ZNF333: variants seen among roughly 807,000 people sequenced by gnomAD.
The protein encoded by ZNF333 is zinc finger protein 333.
Under a neutral mutation model 76.1 loss-of-function variants are expected in ZNF333, and 61 were observed. The ratio of observed to expected loss-of-function variants is 0.80; its 90% CI spans 0.65 to 0.99. ZNF333 has a LOEUF of 0.99. ZNF333 is among the 50% of genes least tolerant of loss of function. The pLI, the probability that ZNF333 is intolerant of heterozygous loss-of-function variation, is 0.00. For synonymous variants in ZNF333, 284 were observed against 305.0 expected (o/e 0.93, Z 0.72); for missense variants, 717 against 822.4 (o/e 0.87, Z 1.57).
intron 1 of ZNF333, among the ~76,000 whole-genome samples, chr19:14,691,923 C>T (rs1229670823): frequency 2.0e-5 from 3 of 152,008 alleles, no homozygotes; most frequent in Admixed American, 1.3e-4. Flanking sequence ...GTGATCCACC[C>T]GCCTCGGCCT....
chr19:14,695,764 A>G (rs1339103209), intron 4 of ZNF333, 103 bp downstream of exon 4: 3 of 924,546 alleles, frequency 3.2e-6, no homozygotes, highest in Non-Finnish European at 3.5e-6. Context: ...CTGAGGGGAC[A>G]TCGAAGGCCA....
intron 11 of ZNF333, among the ~76,000 whole-genome samples, chr19:14,728,221 AT>A (rs879373284): frequency 7.4e-4 from 112 of 151,814 alleles, no homozygotes; most frequent in African/African-American, 2.6e-3. Flanking sequence ...TCAAAAAAAA[AT>A]TTTTTTTTCA....
At chr19:14,718,202 G>T in intron 11 of ZNF333, 26 bp from the exon 12 acceptor site, 1 of 1,584,178 alleles carries the variant, frequency 6.3e-7, no homozygotes, top group Non-Finnish European at 8.6e-7. Context: ...AAGGCCTTTG[G>T]TCTTCACATT....
chr19:14,701,011 A>G (rs1379199413), intron 5 of ZNF333, among the ~76,000 whole-genome samples: 1 of 152,170 alleles, frequency 6.6e-6, no homozygotes, highest in East Asian at 1.9e-4. Context: ...CCTGGCTGCA[A>G]CAGACCCCTG....
At chr19:14,731,737 T>A (rs1040666573) in exon 12 of ZNF333, 3 of 152,432 alleles carry the variant, frequency 2.0e-5, no homozygotes, top group African/African-American at 4.8e-5. Flanking sequence ...TTAACTCTTG[T>A]TTATCTTTGG....
intron 6 of ZNF333, chr19:14,706,008 G>A: frequency 2.3e-6 from 1 of 438,288 alleles, no homozygotes; most frequent in Non-Finnish European, 4.6e-6. Flanking sequence ...CCTCCCCCGA[G>A]GGACCTGCTG....
intron 7 of ZNF333, among the ~76,000 whole-genome samples, chr19:14,712,355 G>T (rs2042302404): frequency 6.6e-6 from 1 of 152,020 alleles, no homozygotes; most frequent in African/African-American, 2.4e-5. Flanking sequence ...GAGTGGCTGG[G>T]ACTACAGATG....
upstream of ZNF333, chr19:14,689,830 CT>C (rs1972609453): frequency 6.6e-6 from 1 of 152,416 alleles, no homozygotes; most frequent in Non-Finnish European, 1.5e-5. Flanking sequence ...AGCCCCACCC[CT>C]ATCCCTGTCT....
At chr19:14,694,983 C>T (rs368356266) in intron 2 of ZNF333, 27 bp from the exon 3 acceptor site, 212 of 1,613,654 alleles carry the variant, frequency 1.3e-4, no homozygotes, top group Admixed American at 2.5e-4. Context: ...TGGTATTTGC[C>T]GAGCCAGAAT....
intron 7 of ZNF333, among the ~76,000 whole-genome samples, chr19:14,710,547 G>A (rs1031033260): frequency 6.6e-6 from 1 of 152,236 alleles, no homozygotes; most frequent in Non-Finnish European, 1.5e-5. Context: ...GGAGGCCAAG[G>A]TGGGTAGATC....
intron 4 of ZNF333, among the ~76,000 whole-genome samples, chr19:14,696,593 G>A (rs923089016): frequency 6.6e-6 from 1 of 152,026 alleles, no homozygotes; most frequent in Admixed American, 6.6e-5. Context: ...CCTTCTTGCA[G>A]CATCATAACA....
chr19:14,715,347 G>C, intron 7 of ZNF333, 35 bp from the exon 8 acceptor site: 1 of 1,604,522 alleles, frequency 6.2e-7, no homozygotes, highest in African/African-American at 1.3e-5. Flanking sequence ...AGTAGGCCAG[G>C]CACCAACCCT....
At chr19:14,715,559 T>G in intron 8 of ZNF333, 89 bp downstream of exon 8, 4 of 1,286,266 alleles carry the variant, frequency 3.1e-6, no homozygotes, top group Non-Finnish European at 2.2e-6. Context: ...GATCATCTCA[T>G]AGGGTTGGTC....
chr19:14,733,372 G>A (rs367641418), exon 12 of ZNF333: 7 of 152,110 alleles, frequency 4.6e-5, no homozygotes, highest in East Asian at 3.8e-4. Context: ...AAAACAGCTC[G>A]GGCACAGAGG....
At chr19:14,717,785 G>GT (rs1568554550) in intron 11 of ZNF333, 52 bp downstream of exon 11, 1 of 1,566,444 alleles carries the variant, frequency 6.4e-7, no homozygotes, top group Non-Finnish European at 8.8e-7. Context: ...ATGAGTCTGG[G>GT]GTTAACCGTA....
chr19:14,715,274 T>TGTGTCCCTGTGA, intron 7 of ZNF333, 108 bp from the exon 8 acceptor site: 3 of 844,794 alleles, frequency 3.6e-6, no homozygotes, highest in Non-Finnish European at 5.7e-6. Flanking sequence ...TGTGCATGTG[T>TGTGTCCCTGTGA]GTGTGTACAC....
intron 6 of ZNF333, chr19:14,706,239 GT>G (rs970633724): frequency 4.4e-6 from 2 of 452,464 alleles, no homozygotes; most frequent in Non-Finnish European, 8.9e-6. Flanking sequence ...GGTCAGACGT[GT>G]TTCCTGAGCG....
intron 5 of ZNF333, among the ~76,000 whole-genome samples, chr19:14,701,155 T>G (rs1568531261): frequency 6.6e-6 from 1 of 152,184 alleles, no homozygotes; most frequent in Non-Finnish European, 1.5e-5. Context: ...TCTGAGAATG[T>G]CTTATCAGGG....
At position 14,720,949 on chromosome 19, in the gene ZNF333, T is replaced by A. The variant is rs1186528333; in HGVS notation, c.*1624T>A. The stretch of plus-strand genomic sequence containing the variant: ...AATTAAATATAGATACTGACATTTT[T>A]TACATTTCCAACAAATTGTTACTTT... On this transcript the variant is annotated 3_prime_UTR_variant, in exon 12 of 12. Coordinates refer to ENST00000292530, the MANE Select transcript of ZNF333 (RefSeq NM_032433.4). 1.2e-5 allele frequency: 11 copies of A among 911,382 alleles called. No individual in the cohort carries two copies. Among genetic ancestry groups the A allele is most frequent in the Non-Finnish European group, 1.4e-5 (11 of 762,672 alleles). The allele number at this position is 911,382 out of a possible 1,614,324, so 56.5% of individuals were successfully genotyped here.
Sources: allele counts gnomAD v4.1 joint callset (sites outside exome capture counted in the v4.1 genomes callset), GRCh38; gene constraint gnomAD v4.1.1; transcripts MANE v1.5; gene names NCBI Gene and HGNC (gene_info 2026-07-23, HGNC 2026-07-21).